The following OGDH variants were observed in gnomAD, a reference collection of about 807,000 sequenced individuals.
The protein encoded by OGDH is oxoglutarate dehydrogenase, also known as 2-oxoglutarate dehydrogenase complex component E1.
Under a neutral mutation model 116.6 loss-of-function variants are expected in OGDH, and 38 were observed. That is an observed-to-expected ratio of 0.33 (90% confidence interval 0.25 to 0.43). The LOEUF (loss-of-function observed/expected upper bound fraction) is 0.43. Among genes scored for constraint, OGDH ranks in the 20% least tolerant of loss-of-function variants. The probability of loss-of-function intolerance (pLI) is 1.00; values close to 1 mark genes in which losing one functional copy is unlikely to be tolerated. For missense variants in OGDH, 825 were observed against 1,357.2 expected (o/e 0.61, Z 6.16); for synonymous variants, 488 against 533.3 (o/e 0.92, Z 1.17).
chr7:44,655,365 TC>T (rs1210756212), intron 4 of OGDH, among the ~76,000 whole-genome samples: 1 of 152,224 alleles, frequency 6.6e-6, no homozygotes, highest in Non-Finnish European at 1.5e-5. Flanking sequence ...TGGTTGTTGT[TC>T]CCTGGGGGAA....
In OGDH at chr7:44,697,339, C is replaced by G; in HGVS notation, c.2052-31C>G. On this transcript the variant is annotated intron_variant, in intron 15 of 22. Transcript: ENST00000222673. The surrounding 1 kb of genome is among the most constrained non-coding windows in gnomAD (Gnocchi z 6.0). ...CGTATTTGCTTGTCAAGTCAGAGCT[C>G]CTAATTATTACCTCTGTTGTCCTGT... 1 of 1,613,470 alleles carries G rather than the reference C, an allele frequency of 6.2e-7. No individual in the cohort carries two copies. Among genetic ancestry groups the G allele is most frequent in the Non-Finnish European group, 8.5e-7 (1 of 1,179,512 alleles).
intron 1 of OGDH, among the ~76,000 whole-genome samples, chr7:44,617,075 C>T (rs1206354435): frequency 1.3e-5 from 2 of 150,326 alleles, no homozygotes; most frequent in East Asian, 4.0e-4. Context: ...GGACTACAGG[C>T]ACCCGCCACA....
At chr7:44,698,659 G>A (rs2116374451) in intron 18 of OGDH, among the ~76,000 whole-genome samples, 1 of 152,012 alleles carries the variant, frequency 6.6e-6, no homozygotes, top group South Asian at 2.1e-4. Flanking sequence ...TGGGCAACAT[G>A]GTGAGACCCC....
Position 44,624,312 on chromosome 7 carries a change from T to TTTTTTC in OGDH, c.-27-5_-27-4insTTTTTC. Reference sequence around the variant, plus strand: ...TCTTGTTTTTTTTTTTTTTTTTTTGTACAGGCAGTTGTGAAAAACTTCAGG... The same window carrying TTTTTTC: ...TCTTGTTTTTTTTTTTTTTTTTTTGTTTTTTCACAGGCAGTTGTGAAAAACTTCAGG... On this transcript the variant is annotated splice_region_variant and splice_polypyrimidine_tract_variant and intron_variant, in intron 1 of 22. Coordinates refer to ENST00000222673, the MANE Select transcript of OGDH (RefSeq NM_002541.4). 8.0e-7 allele frequency: 1 copy of TTTTTTC among 1,255,816 alleles called. No homozygotes were observed. Among genetic ancestry groups the TTTTTTC allele is most frequent in the Non-Finnish European group, 1.1e-6 (1 of 905,954 alleles). 77.8% of individuals were successfully genotyped at this position (1,255,816 alleles called of 1,614,324 possible).
chr7:44,612,662 C>T (rs181357629), intron 1 of OGDH, among the ~76,000 whole-genome samples: 4 of 151,830 alleles, frequency 2.6e-5, no homozygotes, highest in Non-Finnish European at 2.9e-5. Flanking sequence ...GGATTACAGG[C>T]GTGAGCCACC....
chr7:44,673,557 T>A (rs1234625233), intron 5 of OGDH, among the ~76,000 whole-genome samples: 3 of 152,150 alleles, frequency 2.0e-5, no homozygotes. Context: ...GCTAGGAGGT[T>A]CTCTGTGTAC....
At chr7:44,636,047 T>G (rs924910628) in intron 2 of OGDH, among the ~76,000 whole-genome samples, 1 of 152,200 alleles carries the variant, frequency 6.6e-6, no homozygotes, top group South Asian at 2.1e-4. Flanking sequence ...GACCATCATC[T>G]TAAATAGCCT....
rs532703118 is a variant in OGDH at position 44,625,004 on chromosome 7, C to T, written c.222+439C>T. ...GAATGGCCTTTTAGCTCATTATGTTCGTATTTTTTTCCTGTTTGTTTCTAA... is the reference window on the plus strand; with the variant it reads ...GAATGGCCTTTTAGCTCATTATGTTTGTATTTTTTTCCTGTTTGTTTCTAA... On this transcript the variant is annotated intron_variant, in intron 2 of 22. Transcript: ENST00000222673. Among the ~76,000 whole-genome samples the T allele has an allele frequency of 6.6e-5, 10 of 152,194 alleles. No homozygotes were observed. In the South Asian group the frequency reaches 2.1e-3, roughly 32 times the overall value.
intron 2 of OGDH, among the ~76,000 whole-genome samples, chr7:44,626,735 GCTTTATGT>G (rs1428911048): frequency 1.3e-5 from 2 of 152,140 alleles, no homozygotes; most frequent in Admixed American, 6.5e-5. Context: ...GGGCATGGTG[GCTTTATGT>G]CTTTATGCCT....
intron 5 of OGDH, among the ~76,000 whole-genome samples, chr7:44,673,407 G>C (rs1379982034): frequency 2.6e-5 from 4 of 152,208 alleles, no homozygotes; most frequent in Non-Finnish European, 4.4e-5. Context: ...TCCTGTCATG[G>C]GTGCTGGTAC....
chr7:44,681,955 T>G lies in OGDH; in HGVS notation c.1335+107T>G. 6 of 1,448,876 alleles carry G rather than the reference T, an allele frequency of 4.1e-6. No homozygotes were observed. The South Asian group carries it at 7.9e-5, about 19-fold the overall frequency. 89.8% of individuals were successfully genotyped at this position (1,448,876 alleles called of 1,614,324 possible). A position where few individuals can be genotyped will look rare whatever the true frequency, so the allele number is the denominator to read the frequency against. ...TGTTTTCTGATTATAAAAATACATCTGTTATTAAAAACCAGGTGCAGTGGC... is the reference window on the plus strand; with the variant it reads ...TGTTTTCTGATTATAAAAATACATCGGTTATTAAAAACCAGGTGCAGTGGC... On this transcript the variant is annotated intron_variant, in intron 10 of 22. Coordinates refer to ENST00000222673, the MANE Select transcript of OGDH (RefSeq NM_002541.4).
Position 44,707,523 on chromosome 7 carries a change from C to G in OGDH, c.2797-59C>G, listed in dbSNP as rs1164428905. On this transcript the variant is annotated intron_variant, in intron 21 of 22. Transcript: ENST00000222673. The surrounding 1 kb of genome is among the most constrained non-coding windows in gnomAD (Gnocchi z 5.2). ...TGCTCGGAACACCAGTTTCCCTTTG[C>G]TGGATCTTGCCTGCCCTCTGAGTTT... 10 of 1,603,826 alleles carry G rather than the reference C, an allele frequency of 6.2e-6. No individual in the cohort carries two copies. The highest frequency in any genetic ancestry group is 7.7e-6 in the Non-Finnish European group (9 of 1,174,776).
At chr7:44,639,034 G>A (rs914326716) in intron 2 of OGDH, among the ~76,000 whole-genome samples, 3 of 152,202 alleles carry the variant, frequency 2.0e-5, no homozygotes, top group Non-Finnish European at 4.4e-5. Context: ...GCGACCATGT[G>A]AAGGGAGAGG....
rs534150137 is a variant in OGDH, at chr7:44,656,442, A to G, written c.517+8683A>G. On this transcript the variant is annotated intron_variant, in intron 4 of 22. Coordinates refer to ENST00000222673, the MANE Select transcript of OGDH (RefSeq NM_002541.4). ...GGATGTGCAACTTTTCCTAGCATGCAATATGGGGAAAGTTGACGCAACTTC... is the reference window on the plus strand; with the variant it reads ...GGATGTGCAACTTTTCCTAGCATGCGATATGGGGAAAGTTGACGCAACTTC... The G allele has an allele frequency of 1.3e-5, 17 of 1,298,094 alleles. No homozygotes were observed. The African/African-American group carries it at 2.2e-4, about 17-fold the overall frequency. The allele number at this position is 1,298,094 out of a possible 1,614,324, so 80.4% of individuals were successfully genotyped here. A position where few individuals can be genotyped will look rare whatever the true frequency, so the allele number is the denominator to read the frequency against.
intron 20 of OGDH, among the ~76,000 whole-genome samples, chr7:44,702,439 G>A (rs1416646485): frequency 2.6e-5 from 4 of 152,064 alleles, no homozygotes; most frequent in Admixed American, 2.6e-4. Flanking sequence ...AGTGCAGGAT[G>A]TTGACACAGC....
At chr7:44,616,615 A>G (rs1585218377) in intron 1 of OGDH, among the ~76,000 whole-genome samples, 1 of 136,728 alleles carries the variant, frequency 7.3e-6, no homozygotes, top group Non-Finnish European at 1.5e-5. Flanking sequence ...ACATATATAT[A>G]TGTATATATA....
At chr7:44,625,559 T>C (rs1785170832) in intron 2 of OGDH, among the ~76,000 whole-genome samples, 1 of 152,206 alleles carries the variant, frequency 6.6e-6, no homozygotes, top group Non-Finnish European at 1.5e-5. Flanking sequence ...TGTAGTATAG[T>C]AATAAGAGGG....
chr7:44,677,006 C>CT (rs1272681909), intron 9 of OGDH, among the ~76,000 whole-genome samples: 1 of 152,098 alleles, frequency 6.6e-6, no homozygotes, highest in Non-Finnish European at 1.5e-5. Flanking sequence ...GGTCATGTGA[C>CT]TGAGTGTTGG....
chr7:44,667,547 C>G (rs1787239263), intron 5 of OGDH, among the ~76,000 whole-genome samples: 2 of 152,110 alleles, frequency 1.3e-5, no homozygotes, highest in Non-Finnish European at 2.9e-5. Context: ...TCTCTCTGGA[C>G]TCTGTTAGTA....
Sources: gnomAD v4.1 joint callset for allele counts (sites outside exome capture counted in the v4.1 genomes callset) on GRCh38, gnomAD v4.1.1 for gene constraint, Gnocchi (gnomAD v3.1) non-coding constraint, MANE v1.5 for transcripts, NCBI Gene and HGNC (gene_info 2026-07-23, HGNC 2026-07-21) for gene names.